Variants in RRM1 observed in about 807,000 individuals in gnomAD.
RRM1 encodes the protein ribonucleoside-diphosphate reductase large subunit.
A neutral mutation model predicts 101.5 loss-of-function variants in RRM1; 19 were observed. The ratio of observed to expected loss-of-function variants is 0.19; its 90% CI spans 0.13 to 0.27. The LOEUF (loss-of-function observed/expected upper bound fraction) is 0.27. Among genes scored for constraint, RRM1 ranks in the 10% least tolerant of loss-of-function variants. The pLI is 1.00. For missense variants in RRM1, 500 were observed against 962.9 expected (o/e 0.52, Z 6.36); for synonymous variants, 298 against 323.4 (o/e 0.92, Z 0.84).
At chr11:4,110,491 G>A (rs2094563784) in intron 5 of RRM1, among the ~76,000 whole-genome samples, 2 of 152,170 alleles carry the variant, frequency 1.3e-5, no homozygotes, top group African/African-American at 4.8e-5. Context: ...TAACAGGCTG[G>A]GCATGGTGGC....
intron 11 of RRM1, 124 bp from the exon 12 acceptor site, chr11:4,123,059 T>C: frequency 1.3e-6 from 1 of 790,122 alleles, no homozygotes; most frequent in Non-Finnish European, 2.0e-6. Context: ...TTCCTTTTTT[T>C]CTTTAGCAAA....
At chr11:4,133,486 TAAGC>T (rs1477367644) in intron 16 of RRM1, 73 bp from the exon 17 acceptor site, 1 of 852,448 alleles carries the variant, frequency 1.2e-6, no homozygotes, top group African/African-American at 1.7e-5. Flanking sequence ...GATTTTAGTT[TAAGC>T]TTCAAAGCTG....
At chr11:4,097,720 T>G (rs1343676660) in intron 1 of RRM1, among the ~76,000 whole-genome samples, 1 of 152,130 alleles carries the variant, frequency 6.6e-6, no homozygotes, top group East Asian at 1.9e-4. Flanking sequence ...GCCTCCTCAG[T>G]AGCTGGGACT....
Position 4,132,879 on chromosome 11 carries a change from A to C in RRM1, c.1905+458A>C, listed in dbSNP as rs1463269265. On this transcript the variant is annotated intron_variant, in intron 16 of 18. Transcript: ENST00000300738. This position sits in a 1 kb window ranked among gnomAD's most constrained non-coding sequence, Gnocchi z 4.1. ...TAATTCTTATGTGTAGCTAGGGTTG[A>C]GAACCTCAATTTAAAAGACTATTTG... Among the ~76,000 whole-genome samples the C allele has an allele frequency of 6.6e-6, 1 of 152,062 alleles. No individual in the cohort carries two copies. The highest frequency in any genetic ancestry group is 1.5e-5 in the Non-Finnish European group (1 of 67,998).
chr11:4,109,814 A>G (rs1257509305), intron 5 of RRM1, 111 bp downstream of exon 5: 2 of 802,076 alleles, frequency 2.5e-6, no homozygotes, highest in Admixed American at 5.3e-5. Context: ...TGGAGTTGAG[A>G]TGGACCTGGG....
chr11:4,105,166 T>C (rs2094556601), intron 2 of RRM1, among the ~76,000 whole-genome samples: 1 of 152,204 alleles, frequency 6.6e-6, no homozygotes, highest in Admixed American at 6.5e-5. Context: ...GGATTATGCA[T>C]TCTCATTACT....
rs748613225 is a variant in RRM1 at position 4,123,322 on chromosome 11, C to G, written c.1258C>G (p.Leu420Val). The change falls in exon 12 of 19, where the codon CTG (leucine) becomes GTG (valine). Residue 420 changes from leucine (L) to valine (V), a missense_variant. Leu to Val is a conservative substitution (Grantham distance 32). Coordinates refer to ENST00000300738, the MANE Select transcript of RRM1 (RefSeq NM_001033.5). The part of the protein sequence containing the change: ...SCNRKSNQQN[L>V]GTIKCSNLCT... The stretch of plus-strand genomic sequence containing the variant: ...TAATCGAAAGAGCAACCAGCAGAAC[C>G]TGGGAACCATCAAATGCAGCAACCT... 6.2e-7 allele frequency: 1 copy of G among 1,614,122 alleles called. No individual in the cohort carries two copies. The highest frequency in any genetic ancestry group is 8.5e-7 in the Non-Finnish European group (1 of 1,180,014).
intron 18 of RRM1, 72 bp downstream of exon 18, chr11:4,135,342 T>G (rs1192460043): frequency 2.4e-5 from 29 of 1,186,408 alleles, no homozygotes; most frequent in Non-Finnish European, 3.4e-5. Context: ...ATTTTATGTT[T>G]TAGCCACCTA....
At chr11:4,115,887 A>G (rs73419269) in intron 7 of RRM1, among the ~76,000 whole-genome samples, 2,075 of 152,236 alleles carry the variant, frequency 0.014, 43 homozygotes, top group African/African-American at 0.047. Context: ...ATAGGAGAAT[A>G]TATAATATGA....
intron 18 of RRM1, among the ~76,000 whole-genome samples, chr11:4,135,798 A>G (rs1267104207): frequency 6.6e-6 from 1 of 151,824 alleles, no homozygotes; most frequent in African/African-American, 2.4e-5. Flanking sequence ...ATTTTGGATT[A>G]TGTTCTTATT....
intron 9 of RRM1, among the ~76,000 whole-genome samples, chr11:4,120,558 G>T (rs1361742780): frequency 1.3e-5 from 2 of 151,972 alleles, no homozygotes; most frequent in African/African-American, 4.8e-5. Context: ...AGAGGCGGGG[G>T]TCTCACTTTC....
chr11:4,111,445 C>T (rs1489056034), intron 5 of RRM1, among the ~76,000 whole-genome samples, 156 bp from the exon 6 acceptor site: 1 of 151,266 alleles, frequency 6.6e-6, no homozygotes, highest in Non-Finnish European at 1.5e-5. Flanking sequence ...GATAATGTTC[C>T]AGATGAAGCT....
chr11:4,098,835 A>C (rs896330597), intron 1 of RRM1, among the ~76,000 whole-genome samples: 9 of 152,224 alleles, frequency 5.9e-5, no homozygotes, highest in African/African-American at 1.9e-4. Flanking sequence ...GATACTGATT[A>C]ATGAGATGAT....
Position 4,132,513 on chromosome 11 carries a change from T to G in RRM1, c.1905+92T>G. 1 of 1,379,606 alleles carries G rather than the reference T, an allele frequency of 7.2e-7. No individual in the cohort carries two copies. Among genetic ancestry groups the G allele is most frequent in the Non-Finnish European group, 1.0e-6 (1 of 993,944 alleles). The allele number at this position is 1,379,606 out of a possible 1,614,324, so 85.5% of individuals were successfully genotyped here. A position where few individuals can be genotyped will look rare whatever the true frequency, so the allele number is the denominator to read the frequency against. Reference sequence around the variant, plus strand: ...ACTCATGTTTAATTTGCCCATTTTCTTAGTTTGGGTGCAAACTTTGATAAA... The same window carrying G: ...ACTCATGTTTAATTTGCCCATTTTCGTAGTTTGGGTGCAAACTTTGATAAA... On this transcript the variant is annotated intron_variant, in intron 16 of 18. Transcript: ENST00000300738. This position sits in a 1 kb window ranked among gnomAD's most constrained non-coding sequence, Gnocchi z 4.1.
In RRM1 at chr11:4,132,289, T is replaced by C. The variant is rs763311361; in HGVS notation, c.1773T>C (p.Tyr591=). Residue 591 remains tyrosine (Y), a synonymous_variant, in exon 16 of 19, where the codon TAT becomes TAC. Transcript: ENST00000300738. The surrounding 1 kb of genome is among the most constrained non-coding windows in gnomAD (Gnocchi z 4.1). ...CTGATAATCTCCTTTTCTTTAGGTA[T>C]GGTATAAGAAACAGTTTACTTATTG... is the stretch of plus-strand genomic sequence containing the variant. The part of the protein sequence containing the change: ...WKVLKEKIAK[Y]GIRNSLLIAP... 3 of 1,614,170 alleles carry C rather than the reference T, an allele frequency of 1.9e-6. No individual in the cohort carries two copies. The highest frequency in any genetic ancestry group is 2.5e-6 in the Non-Finnish European group (3 of 1,180,002).
chr11:4,106,805 A>G (rs7935360), intron 3 of RRM1, among the ~76,000 whole-genome samples: 3 of 152,196 alleles, frequency 2.0e-5, no homozygotes, highest in African/African-American at 7.2e-5. Context: ...GAAAGAGCAG[A>G]CTACAATTTC....
Position 4,122,132 on chromosome 11 carries a change from C to G in RRM1, c.1039-9C>G, listed in dbSNP as rs908032118. Reference sequence around the variant, plus strand: ...TTTCTTATGAGTGATTTTGTCCTTTCCTTTTTAGGACTGGTCTTTGATGTG... The same window carrying G: ...TTTCTTATGAGTGATTTTGTCCTTTGCTTTTTAGGACTGGTCTTTGATGTG... On this transcript the variant is annotated splice_polypyrimidine_tract_variant and intron_variant, in intron 10 of 18. Transcript: ENST00000300738. The G allele has an allele frequency of 1.2e-5, 20 of 1,606,642 alleles. No individual in the cohort carries two copies. The highest frequency in any genetic ancestry group is 5.1e-6 in the Non-Finnish European group (6 of 1,175,950).
intron 7 of RRM1, among the ~76,000 whole-genome samples, chr11:4,113,259 AT>A (rs1373629428): frequency 1.3e-5 from 2 of 152,218 alleles, no homozygotes; most frequent in Non-Finnish European, 2.9e-5. Context: ...CTTTAGCAAA[AT>A]TGATATAGAA....
At position 4,096,455 on chromosome 11, in the gene RRM1, T is replaced by C. The variant is rs140818783; in HGVS notation, c.19+1424T>C. On this transcript the variant is annotated intron_variant, in intron 1 of 18. Transcript: ENST00000300738. ...GTTGATTTGGTTTAACTACAGCCAA[T>C]GTCCAGATTGGTTTAACTACAGACA... Among the ~76,000 whole-genome samples the C allele has an allele frequency of 3.5e-3, 528 of 152,332 alleles. 1 individual carries two copies. Among genetic ancestry groups the C allele is most frequent in the African/African-American group, 0.012 (502 of 41,574 alleles).
Sources: allele counts gnomAD v4.1 joint callset (sites outside exome capture counted in the v4.1 genomes callset), GRCh38; gene constraint gnomAD v4.1.1; non-coding constraint Gnocchi (gnomAD v3.1); transcripts MANE v1.5; gene names NCBI Gene and HGNC (gene_info 2026-07-23, HGNC 2026-07-21).